The following SFSWAP variants were observed in gnomAD, a reference collection of about 807,000 sequenced individuals.
The protein encoded by SFSWAP is splicing factor, suppressor of white-apricot homolog.
Under a neutral mutation model 100.7 loss-of-function variants are expected in SFSWAP, and 17 were observed. The ratio of observed to expected loss-of-function variants is 0.17; its 90% confidence interval spans 0.12 to 0.25. SFSWAP has a LOEUF of 0.25. Ranked by LOEUF, SFSWAP falls within the 10% of genes least tolerant of loss-of-function variation. The probability of loss-of-function intolerance (pLI) is 1.00; values close to 1 mark genes in which losing one functional copy is unlikely to be tolerated. For synonymous variants in SFSWAP, 504 were observed against 510.1 expected (o/e 0.99, Z 0.16); for missense variants, 1,005 against 1,262.6 (o/e 0.80, Z 3.09).
intron 5 of SFSWAP, among the ~76,000 whole-genome samples, chr12:131,726,160 A>G (rs1170113242): frequency 6.8e-6 from 1 of 146,246 alleles, no homozygotes; most frequent in African/African-American, 2.4e-5. Context: ...GTCTATTCAT[A>G]TATATGTATA....
intron 14 of SFSWAP, chr12:131,785,255 T>C: frequency 6.6e-7 from 1 of 1,524,924 alleles, no homozygotes; most frequent in Non-Finnish European, 8.8e-7. Context: ...GCCTTTATCA[T>C]CTGTTCTGTA....
chr12:131,723,847 G>A (rs1470559316), intron 4 of SFSWAP, among the ~76,000 whole-genome samples: 1 of 152,282 alleles, frequency 6.6e-6, no homozygotes, highest in Non-Finnish European at 1.5e-5. Context: ...GGGCTCTGTC[G>A]GCTTCCTTAA....
intron 4 of SFSWAP, among the ~76,000 whole-genome samples, chr12:131,720,665 G>T (rs549336821): frequency 6.6e-6 from 1 of 152,134 alleles, no homozygotes; most frequent in Non-Finnish European, 1.5e-5. Context: ...GCGATCACTC[G>T]CTGCCACTCT....
chr12:131,737,141 C>T (rs1880109362), intron 7 of SFSWAP, among the ~76,000 whole-genome samples: 1 of 152,160 alleles, frequency 6.6e-6, no homozygotes, highest in Admixed American at 6.5e-5. Flanking sequence ...CTGCAGAGCT[C>T]TGGGGGTGGG....
In SFSWAP at chr12:131,736,375, C is replaced by T. The variant is rs537419670; in HGVS notation, c.1081+7947C>T. Among the ~76,000 whole-genome samples the T allele has an allele frequency of 7.9e-5, 12 of 152,028 alleles. No individual in the cohort carries two copies. In the East Asian group the frequency reaches 1.9e-3, roughly 24 times the overall value. ...GAATGAAGAATCATCTATTTTCAGC[C>T]AGCAGTTATATTCAATTAATTTTTT... is the stretch of plus-strand genomic sequence containing the variant. On this transcript the variant is annotated intron_variant, in intron 7 of 17. Coordinates refer to ENST00000261674, the MANE Select transcript of SFSWAP (RefSeq NM_004592.4).
intron 13 of SFSWAP, among the ~76,000 whole-genome samples, chr12:131,774,569 T>C (rs74940150): frequency 6.6e-6 from 1 of 152,214 alleles, no homozygotes; most frequent in Non-Finnish European, 1.5e-5. Context: ...TGACTTCCGT[T>C]TTGATCATTT....
At chr12:131,753,404 C>T (rs747944866) in intron 8 of SFSWAP, 41 bp downstream of exon 8, 1 of 1,577,426 alleles carries the variant, frequency 6.3e-7, no homozygotes, top group Admixed American at 1.7e-5. Flanking sequence ...GTGAGTCACT[C>T]AGCACTGCAG....
chr12:131,768,907 T>C (rs1312746660), intron 13 of SFSWAP, among the ~76,000 whole-genome samples: 2 of 152,162 alleles, frequency 1.3e-5, no homozygotes, highest in East Asian at 1.9e-4. Flanking sequence ...GTGGATCGCT[T>C]GAGGCCAGGA....
chr12:131,785,939 A>G (rs1158006919), intron 14 of SFSWAP: 3 of 153,134 alleles, frequency 2.0e-5, no homozygotes, highest in African/African-American at 7.2e-5. Flanking sequence ...TAGCTTCATT[A>G]CCGTTGGGTT....
intron 15 of SFSWAP, among the ~76,000 whole-genome samples, chr12:131,787,369 G>A (rs916727512): frequency 4.6e-5 from 7 of 152,196 alleles, no homozygotes; most frequent in Admixed American, 2.0e-4. Context: ...CCTCTCGGCC[G>A]TGGGGGTGCC....
At chr12:131,790,839 C>CTAAG (rs1412095472) in intron 15 of SFSWAP, among the ~76,000 whole-genome samples, 1 of 152,122 alleles carries the variant, frequency 6.6e-6, no homozygotes, top group Non-Finnish European at 1.5e-5. Flanking sequence ...GTAGACTTTG[C>CTAAG]TAAGCGAAGG....
intron 13 of SFSWAP, among the ~76,000 whole-genome samples, chr12:131,769,687 C>T (rs1437021949): frequency 1.3e-5 from 2 of 151,980 alleles, no homozygotes; most frequent in Non-Finnish European, 1.5e-5. Context: ...AGTGCAGTGG[C>T]GCAGTCTTGG....
At chr12:131,729,101 A>C (rs1037293376) in intron 7 of SFSWAP, among the ~76,000 whole-genome samples, 2 of 152,174 alleles carry the variant, frequency 1.3e-5, no homozygotes, top group African/African-American at 4.8e-5. Flanking sequence ...AGCAGAGGCA[A>C]TGGGGCCTCC....
intron 3 of SFSWAP, among the ~76,000 whole-genome samples, 154 bp downstream of exon 3, chr12:131,715,107 G>T (rs1026415187): frequency 6.6e-6 from 1 of 152,182 alleles, no homozygotes; most frequent in African/African-American, 2.4e-5. Context: ...CCTTCTTTTG[G>T]TAAAACGAAG....
chr12:131,798,946 G>T, intron 16 of SFSWAP, 91 bp from the exon 17 acceptor site: 1 of 882,336 alleles, frequency 1.1e-6, no homozygotes, highest in Non-Finnish European at 1.9e-6. Context: ...CAGTTCTAGA[G>T]TTGGGGTTCG....
rs1046810597 is a variant in SFSWAP at position 131,733,158 on chromosome 12, T to C, written c.1081+4730T>C. Among the ~76,000 whole-genome samples the C allele has an allele frequency of 6.6e-6, 1 of 152,190 alleles. No homozygotes were observed. Among genetic ancestry groups the C allele is most frequent in the Admixed American group, 6.5e-5 (1 of 15,280 alleles). ...GACAAAGGACATTTTGGCCATGGACTTGAAACGTCAGCTGTATGAGAGCGG... is the reference window on the plus strand; with the variant it reads ...GACAAAGGACATTTTGGCCATGGACCTGAAACGTCAGCTGTATGAGAGCGG... On this transcript the variant is annotated intron_variant, in intron 7 of 17. Transcript: ENST00000261674. This position sits in a 1 kb window ranked among gnomAD's most constrained non-coding sequence, Gnocchi z 5.1.
chr12:131,742,378 G>T (rs1274200591), intron 7 of SFSWAP, among the ~76,000 whole-genome samples: 1 of 151,936 alleles, frequency 6.6e-6, no homozygotes, highest in Non-Finnish European at 1.5e-5. Context: ...TACTTTGAGG[G>T]TCACTGATGA....
At chr12:131,723,818 A>T (rs1337216637) in intron 4 of SFSWAP, among the ~76,000 whole-genome samples, 1 of 152,132 alleles carries the variant, frequency 6.6e-6, no homozygotes, top group Non-Finnish European at 1.5e-5. Context: ...GAAGGGGAGG[A>T]GGTGTTAGCC....
At position 131,794,410 on chromosome 12, in the gene SFSWAP, G is replaced by C. The variant is rs1885488680; in HGVS notation, c.2535-2768G>C. Among the ~76,000 whole-genome samples the C allele has an allele frequency of 6.6e-6, 1 of 151,580 alleles. No homozygotes were observed. Among genetic ancestry groups the C allele is most frequent in the Non-Finnish European group, 1.5e-5 (1 of 67,950 alleles). On this transcript the variant is annotated intron_variant, in intron 15 of 17. Coordinates refer to ENST00000261674, the MANE Select transcript of SFSWAP (RefSeq NM_004592.4). This position sits in a 1 kb window ranked among gnomAD's most constrained non-coding sequence, Gnocchi z 4.8. ...AAATTAGCCATTTGTGGTGGCGTCT[G>C]CCTGTCGTCCCAGCTACTTGGGAGG...
Sources: allele counts gnomAD v4.1 joint callset (sites outside exome capture counted in the v4.1 genomes callset), GRCh38; gene constraint gnomAD v4.1.1; non-coding constraint Gnocchi (gnomAD v3.1); transcripts MANE v1.5; gene names NCBI Gene and HGNC (gene_info 2026-07-23, HGNC 2026-07-21).